Variants in SLC26A7 observed in about 807,000 individuals in gnomAD.
The protein encoded by SLC26A7 is anion exchange transporter.
Under a neutral mutation model 82.5 loss-of-function variants are expected in SLC26A7, and 59 were observed. The ratio of observed to expected loss-of-function variants is 0.72; its 90% CI spans 0.58 to 0.89. The LOEUF is 0.89. Among genes scored for constraint, SLC26A7 ranks in the 40% least tolerant of loss-of-function variants. SLC26A7 has a pLI of 0.00. For missense variants in SLC26A7, 820 were observed against 793.0 expected (o/e 1.03, Z -0.41); for synonymous variants, 271 against 274.3 (o/e 0.99, Z 0.12).
chr8:91,386,122 T>C (rs1814792894), intron 15 of SLC26A7, among the ~76,000 whole-genome samples: 1 of 152,172 alleles, frequency 6.6e-6, no homozygotes, highest in South Asian at 2.1e-4. Context: ...TGGATAGGGA[T>C]GATTGAACTC....
At chr8:91,241,339 A>G (rs1236891280) in intron 2 of SLC26A7, among the ~76,000 whole-genome samples, 1 of 152,076 alleles carries the variant, frequency 6.6e-6, no homozygotes, top group Non-Finnish European at 1.5e-5. Flanking sequence ...AGCTGAACAA[A>G]CTATACCAAA....
intron 9 of SLC26A7, among the ~76,000 whole-genome samples, chr8:91,349,411 G>A (rs1007798477): frequency 2.6e-5 from 4 of 151,974 alleles, no homozygotes; most frequent in Admixed American, 6.6e-5. Context: ...AACATACAAA[G>A]CACCATGTAA....
chr8:91,344,255 G>A (rs1281987573), intron 9 of SLC26A7: 2 of 971,768 alleles, frequency 2.1e-6, no homozygotes, highest in Admixed American at 6.2e-5. Flanking sequence ...AGGGAAAGAA[G>A]GTTAAAGTAA....
intron 2 of SLC26A7, among the ~76,000 whole-genome samples, chr8:91,270,947 A>G (rs1366787630): frequency 6.6e-6 from 1 of 152,188 alleles, no homozygotes; most frequent in Non-Finnish European, 1.5e-5. Context: ...GTCTGCAAGT[A>G]CCATCAAGAA....
At chr8:91,300,080 T>C (rs1431996128) in intron 4 of SLC26A7, among the ~76,000 whole-genome samples, 1 of 152,228 alleles carries the variant, frequency 6.6e-6, no homozygotes, top group Non-Finnish European at 1.5e-5. Context: ...TGTGTTAAAC[T>C]GACATCTTTA....
chr8:91,224,466 G>A (rs1810205686), intron 2 of SLC26A7, among the ~76,000 whole-genome samples: 2 of 152,130 alleles, frequency 1.3e-5, no homozygotes, highest in Admixed American at 1.3e-4. Context: ...GCAGTTGGCT[G>A]GGGGTTCACT....
rs150786811 is a variant in SLC26A7 at position 91,241,468 on chromosome 8, T to C, written c.-33-8151T>C. 2.7e-3 allele frequency among the ~76,000 whole-genome samples: 415 copies of C among 152,238 alleles called. 2 individuals carry two copies. Among genetic ancestry groups the C allele is most frequent in the African/African-American group, 9.5e-3 (395 of 41,568 alleles). The stretch of plus-strand genomic sequence containing the variant: ...TTTGATTATTTAATAATCAGAAAAA[T>C]GAAGAAAAATATTGAGAAATATAAA... On this transcript the variant is annotated intron_variant, in intron 2 of 5. Transcript: ENST00000522862.
At chr8:91,343,329 T>C in intron 8 of SLC26A7, 24 bp from the exon 9 acceptor site, 2 of 1,394,652 alleles carry the variant, frequency 1.4e-6, no homozygotes, top group Non-Finnish European at 2.0e-6. Flanking sequence ...TAAGATATTA[T>C]ATATTCTCTC....
intron 2 of SLC26A7, among the ~76,000 whole-genome samples, chr8:91,280,421 A>C (rs1811537664): frequency 6.6e-6 from 1 of 152,182 alleles, no homozygotes. Context: ...ATTTAGCACC[A>C]AGCCTTTCTC....
chr8:91,258,342 G>A (rs569392624), intron 2 of SLC26A7, among the ~76,000 whole-genome samples: 1 of 152,090 alleles, frequency 6.6e-6, no homozygotes, highest in African/African-American at 2.4e-5. Flanking sequence ...ACTGAACACA[G>A]CATTTTTCCT....
chr8:91,360,477 A>C (rs1007435072), intron 11 of SLC26A7, among the ~76,000 whole-genome samples: 2 of 152,204 alleles, frequency 1.3e-5, no homozygotes, highest in Non-Finnish European at 2.9e-5. Flanking sequence ...ATTCTAACCA[A>C]TGGAATTATT....
intron 4 of SLC26A7, among the ~76,000 whole-genome samples, chr8:91,306,127 G>A (rs959989043): frequency 5.3e-5 from 8 of 152,124 alleles, no homozygotes; most frequent in African/African-American, 1.9e-4. Flanking sequence ...CAGACTTGCT[G>A]TGAACATATC....
chr8:91,362,754 G>A (rs1016048077), intron 12 of SLC26A7, among the ~76,000 whole-genome samples: 4 of 151,958 alleles, frequency 2.6e-5, no homozygotes, highest in Admixed American at 6.6e-5. Flanking sequence ...ATCAGAGAGA[G>A]ATTTCTTTAA....
intron 9 of SLC26A7, chr8:91,344,217 T>C: frequency 1.0e-6 from 1 of 984,542 alleles, no homozygotes; most frequent in Non-Finnish European, 1.2e-6. Flanking sequence ...GTGTAATTAT[T>C]ATCCTCAGTT....
intron 2 of SLC26A7, among the ~76,000 whole-genome samples, chr8:91,286,885 G>C (rs925162365): frequency 2.0e-5 from 3 of 152,114 alleles, no homozygotes; most frequent in Non-Finnish European, 4.4e-5. Context: ...TTATCCAGCT[G>C]TCTCTCCTTT....
intron 5 of SLC26A7, among the ~76,000 whole-genome samples, chr8:91,322,529 A>G (rs1210051665): frequency 6.6e-6 from 1 of 152,198 alleles, no homozygotes; most frequent in South Asian, 2.1e-4. Flanking sequence ...AAAAATTTTT[A>G]AATTGAGGAA....
chr8:91,242,902 A>G (rs1810493266), intron 2 of SLC26A7, among the ~76,000 whole-genome samples: 1 of 152,242 alleles, frequency 6.6e-6, no homozygotes, highest in South Asian at 2.1e-4. Flanking sequence ...ACAGAATCAT[A>G]TTAAAAAGAT....
chr8:91,382,691 T>C (rs147236171), intron 15 of SLC26A7, among the ~76,000 whole-genome samples: 1 of 152,262 alleles, frequency 6.6e-6, no homozygotes, highest in African/African-American at 2.4e-5. Context: ...GCCTATATGG[T>C]TATAGAGTCA....
intron 15 of SLC26A7, among the ~76,000 whole-genome samples, chr8:91,387,345 T>C (rs1317534741): frequency 6.6e-6 from 1 of 152,222 alleles, no homozygotes. Flanking sequence ...GAGTGGTCAG[T>C]AGATGAGCTA....
Sources: allele counts gnomAD v4.1 joint callset (sites outside exome capture counted in the v4.1 genomes callset), GRCh38; gene constraint gnomAD v4.1.1; transcripts MANE v1.5; gene names NCBI Gene and HGNC (gene_info 2026-07-23, HGNC 2026-07-21).